TMEM260: variants seen among roughly 807,000 people sequenced by gnomAD.
The protein encoded by TMEM260 is transmembrane protein 260.
TMEM260 carries 82 observed loss-of-function variants against 88.9 expected under a neutral mutation model. That is an observed-to-expected ratio of 0.92 (90% CI 0.77 to 1.11). TMEM260 has a LOEUF of 1.11. Among genes scored for constraint, TMEM260 ranks in the 50% least tolerant of loss-of-function variants. TMEM260 has a pLI of 0.00. For missense variants in TMEM260, 902 were observed against 853.4 expected (o/e 1.06, Z -0.71); for synonymous variants, 314 against 309.3 (o/e 1.02, Z -0.16).
At chr14:56,595,667 T>C (rs1177175676) in intron 3 of TMEM260, among the ~76,000 whole-genome samples, 1 of 152,010 alleles carries the variant, frequency 6.6e-6, no homozygotes, top group African/African-American at 2.4e-5. Context: ...TTTTATTTTT[T>C]AGTAGAGATG....
chr14:56,629,358 C>G (rs1446304531), intron 12 of TMEM260, among the ~76,000 whole-genome samples: 1 of 148,928 alleles, frequency 6.7e-6, no homozygotes, highest in Non-Finnish European at 1.5e-5. Flanking sequence ...TAATAATTTA[C>G]CACTTCAAGC....
intron 1 of TMEM260, among the ~76,000 whole-genome samples, chr14:56,580,467 A>C (rs1885053202): frequency 6.6e-6 from 1 of 152,236 alleles, no homozygotes; most frequent in African/African-American, 2.4e-5. Flanking sequence ...CTAGTGTTCC[A>C]GTGCGGTTAG....
the TMEM260 span, among the ~76,000 whole-genome samples, chr14:56,657,341 T>C: frequency 6.6e-6 from 1 of 152,190 alleles, no homozygotes. Flanking sequence ...TGAGGTCTTC[T>C]ATGTTGCCCC....
At position 56,585,791 on chromosome 14, in the gene TMEM260, A is replaced by G; in HGVS notation, c.223A>G (p.Thr75Ala). 6.2e-7 allele frequency: 1 copy of G among 1,612,804 alleles called. No homozygotes were observed. Among genetic ancestry groups the G allele is most frequent in the Non-Finnish European group, 8.5e-7 (1 of 1,179,410 alleles). ...VAHPPGYPLF[T>A]LVAKLAITLF... Reference sequence around the variant, plus strand: ...CCATCCTCCTGGCTATCCTTTGTTCACGCTGGTGGCTAAACTGGCAATTAC... The same window carrying G: ...CCATCCTCCTGGCTATCCTTTGTTCGCGCTGGTGGCTAAACTGGCAATTAC... Residue 75 changes from threonine to alanine, a missense_variant, in exon 3 of 16, where the codon ACG (threonine) becomes GCG (alanine). By Grantham distance (58) the Thr-to-Ala change is moderately conservative. Coordinates refer to ENST00000261556, the MANE Select transcript of TMEM260 (RefSeq NM_017799.4).
At chr14:56,607,186 G>A (rs1886965017) in intron 5 of TMEM260, among the ~76,000 whole-genome samples, 1 of 152,164 alleles carries the variant, frequency 6.6e-6, no homozygotes, top group South Asian at 2.1e-4. Flanking sequence ...TTTCTCTTGT[G>A]AATCAGTGGG....
At chr14:56,598,543 A>G (rs1203807442) in intron 3 of TMEM260, among the ~76,000 whole-genome samples, 1 of 152,172 alleles carries the variant, frequency 6.6e-6, no homozygotes, top group African/African-American at 2.4e-5. Context: ...CTTTGTAGTC[A>G]TTTATCTTTG....
chr14:56,637,196 GTTTA>G (rs1346895089), intron 15 of TMEM260, among the ~76,000 whole-genome samples: 1 of 152,158 alleles, frequency 6.6e-6, no homozygotes, highest in Non-Finnish European at 1.5e-5. Flanking sequence ...AATGTATGTT[GTTTA>G]TTTGTTACAG....
chr14:56,657,170 C>T, the TMEM260 span, among the ~76,000 whole-genome samples: 1 of 152,180 alleles, frequency 6.6e-6, no homozygotes, highest in African/African-American at 2.4e-5. Flanking sequence ...GGTCAGAAAG[C>T]TTGCAGTCCA....
At chr14:56,612,142 T>C (rs1406757223) in intron 6 of TMEM260, 103 bp from the exon 7 acceptor site, 2 of 1,140,056 alleles carry the variant, frequency 1.8e-6, no homozygotes, top group East Asian at 4.7e-5. Context: ...ATTAAAAAAT[T>C]GTTTTAAGAA....
At chr14:56,606,066 C>T (rs1234020671) in intron 5 of TMEM260, among the ~76,000 whole-genome samples, 1 of 152,214 alleles carries the variant, frequency 6.6e-6, no homozygotes, top group Non-Finnish European at 1.5e-5. Flanking sequence ...CATATGCTTA[C>T]TCCAGGTGCT....
At chr14:56,625,353 T>G in intron 11 of TMEM260, 29 bp from the exon 12 acceptor site, 5 of 1,601,780 alleles carry the variant, frequency 3.1e-6, no homozygotes, top group Non-Finnish European at 4.2e-6. Flanking sequence ...ATATTAAAAG[T>G]CTGACATTAT....
chr14:56,614,848 T>C (rs1887503152), intron 7 of TMEM260, among the ~76,000 whole-genome samples: 1 of 152,188 alleles, frequency 6.6e-6, no homozygotes, highest in African/African-American at 2.4e-5. Flanking sequence ...AGGCAACTCA[T>C]AATTAACTTA....
chr14:56,632,938 C>A, intron 12 of TMEM260, 57 bp from the exon 13 acceptor site: 3 of 1,453,504 alleles, frequency 2.1e-6, no homozygotes, highest in Non-Finnish European at 9.5e-7. Flanking sequence ...ATTATATTTA[C>A]TTAACATTTA....
chr14:56,602,765 AAATC>A (rs1019851611), intron 3 of TMEM260, among the ~76,000 whole-genome samples: 8 of 152,126 alleles, frequency 5.3e-5, no homozygotes, highest in Admixed American at 2.0e-4. Context: ...TGCAAACAGA[AAATC>A]AAAGTAAAAA....
chr14:56,653,742 A>AAAAAAAAAAAAAAAAAC (rs1555343565), downstream of TMEM260, among the ~76,000 whole-genome samples: 7 of 65,800 alleles, frequency 1.1e-4, no homozygotes, highest in Admixed American at 2.6e-4. Flanking sequence ...TCTCCAAAAC[A>AAAAAAAAAAAAAAAAAC]AAAAAAAAAA....
intron 3 of TMEM260, among the ~76,000 whole-genome samples, chr14:56,595,973 C>T (rs748531108): frequency 2.0e-5 from 3 of 151,918 alleles, no homozygotes; most frequent in East Asian, 1.9e-4. Context: ...TCCATACAAA[C>T]ATCATTTTAT....
chr14:56,614,823 C>T (rs1278961852), intron 7 of TMEM260, among the ~76,000 whole-genome samples: 1 of 152,060 alleles, frequency 6.6e-6, no homozygotes, highest in African/African-American at 2.4e-5. Context: ...TTCAGGTGGG[C>T]AGGAACATTG....
intron 5 of TMEM260, among the ~76,000 whole-genome samples, chr14:56,607,578 A>C (rs897262068): frequency 6.6e-6 from 1 of 152,198 alleles, no homozygotes; most frequent in African/African-American, 2.4e-5. Context: ...CTGGCTGCTT[A>C]CTTATCTGAG....
At chr14:56,581,834 C>G (rs763475747) in intron 1 of TMEM260, among the ~76,000 whole-genome samples, 2 of 152,168 alleles carry the variant, frequency 1.3e-5, no homozygotes, top group African/African-American at 2.4e-5. Context: ...TACTTTTCGT[C>G]AAAACATTTC....
Sources: allele counts gnomAD v4.1 joint callset (sites outside exome capture counted in the v4.1 genomes callset), GRCh38; gene constraint gnomAD v4.1.1; transcripts MANE v1.5; gene names NCBI Gene and HGNC (gene_info 2026-07-23, HGNC 2026-07-21).